Variants in KCNN3 observed in about 807,000 individuals in gnomAD.
The protein encoded by KCNN3 is potassium calcium-activated channel subfamily N member 3.
Under a neutral mutation model 62.9 loss-of-function variants are expected in KCNN3, and 16 were observed. The observed-to-expected ratio is 0.25, with a 90% confidence interval of 0.17 to 0.39. The LOEUF is 0.39. Ranked by LOEUF, KCNN3 falls within the 10% of genes least tolerant of loss-of-function variation. KCNN3 has a pLI of 1.00. For missense variants in KCNN3, 599 were observed against 949.4 expected, an observed-to-expected ratio of 0.63 and a Z score of 4.85; for synonymous variants, 370 against 389.2, an observed-to-expected ratio of 0.95 and a Z score of 0.58.
At chr1:154,806,224 T>G (rs1390038237) in intron 2 of KCNN3, among the ~76,000 whole-genome samples, 2 of 152,192 alleles carry the variant, frequency 1.3e-5, no homozygotes, top group African/African-American at 4.8e-5. Flanking sequence ...AGCAAGGACT[T>G]TGGAGAGTTC....
intron 2 of KCNN3, among the ~76,000 whole-genome samples, chr1:154,781,331 C>A (rs568272816): frequency 1.3e-5 from 2 of 152,332 alleles, no homozygotes; most frequent in Non-Finnish European, 2.9e-5. Flanking sequence ...CTCTGGCCAT[C>A]TGTGTGTGGC....
chr1:154,864,933 A>G (rs1237373061), intron 1 of KCNN3, among the ~76,000 whole-genome samples: 1 of 152,096 alleles, frequency 6.6e-6, no homozygotes, highest in African/African-American at 2.4e-5. Flanking sequence ...CTGCCACACC[A>G]GCACTCTCCA....
chr1:154,713,317 CTAGG>C, intron 7 of KCNN3, 143 bp downstream of exon 7: 1 of 686,002 alleles, frequency 1.5e-6, no homozygotes, highest in Non-Finnish European at 2.7e-6. Flanking sequence ...AAACTTGAGC[CTAGG>C]TATTTTTGAA....
At chr1:154,824,352 G>A (rs990427654) in intron 1 of KCNN3, among the ~76,000 whole-genome samples, 3 of 152,224 alleles carry the variant, frequency 2.0e-5, no homozygotes, top group East Asian at 1.9e-4. Context: ...GGCTGGTGCT[G>A]TTCTGGTCCA....
At position 154,841,624 on chromosome 1, in the gene KCNN3, C is replaced by T. The variant is rs561115558; in HGVS notation, c.934-19440G>A. On this transcript the variant is annotated intron_variant, in intron 1 of 7. Coordinates refer to ENST00000271915, the MANE Select transcript of KCNN3 (RefSeq NM_002249.6). ...ATAGAATTAGGCTTCTGGTTCATGC[C>T]TGTTATTCCATCACAGAGCCCCCCT... Among the ~76,000 whole-genome samples the T allele has an allele frequency of 9.3e-4, 142 of 152,284 alleles. No individual in the cohort carries two copies. The Middle Eastern group carries it at 0.01, about 11-fold the overall frequency.
intron 3 of KCNN3, among the ~76,000 whole-genome samples, chr1:154,760,979 G>A (rs967429758): frequency 3.3e-5 from 5 of 152,252 alleles, no homozygotes; most frequent in Admixed American, 6.5e-5. Flanking sequence ...AGAAAATTAT[G>A]TGTAAAAACT....
At position 154,809,829 on chromosome 1, in the gene KCNN3, G is replaced by A. The variant is rs754722849; in HGVS notation, c.1029+12260C>T. 2.0e-5 allele frequency among the ~76,000 whole-genome samples: 3 copies of A among 152,206 alleles called. No individual in the cohort carries two copies. Among genetic ancestry groups the A allele is most frequent in the Non-Finnish European group, 4.4e-5 (3 of 68,050 alleles). ...GCTTAGCAGCTCATGAGAAGACAGA[G>A]GGGTTTTAGTAAATATTCAATTCAA... On this transcript the variant is annotated intron_variant, in intron 2 of 7. Coordinates refer to ENST00000271915, the MANE Select transcript of KCNN3 (RefSeq NM_002249.6). This position sits in a 1 kb window ranked among gnomAD's most constrained non-coding sequence, Gnocchi z 4.3.
chr1:154,780,194 CTTTTTTTTTT>C (rs71077969), intron 2 of KCNN3, among the ~76,000 whole-genome samples: 44 of 102,054 alleles, frequency 4.3e-4, no homozygotes, highest in Non-Finnish European at 3.3e-4. Context: ...TTCTTTTTTT[CTTTTTTTTTT>C]TTTTTTTTTT....
intron 2 of KCNN3, among the ~76,000 whole-genome samples, chr1:154,815,621 C>T (rs1650631697): frequency 6.6e-6 from 1 of 152,212 alleles, no homozygotes; most frequent in African/African-American, 2.4e-5. Flanking sequence ...AGTAGTCCTA[C>T]AATAAATGTT....
chr1:154,733,171 C>A, intron 3 of KCNN3, 27 bp from the exon 4 acceptor site: 1 of 1,613,776 alleles, frequency 6.2e-7, no homozygotes, highest in Non-Finnish European at 8.5e-7. Flanking sequence ...AGGAGTTAGT[C>A]GATGAACAGC....
At chr1:154,868,553 G>A (rs1388017707) in intron 1 of KCNN3, among the ~76,000 whole-genome samples, 1 of 145,582 alleles carries the variant, frequency 6.9e-6, no homozygotes, top group Non-Finnish European at 1.5e-5. Flanking sequence ...GGAAAATGGA[G>A]TGGAGCAGGG....
chr1:154,768,801 C>T (rs1325454275), intron 3 of KCNN3, among the ~76,000 whole-genome samples: 1 of 152,000 alleles, frequency 6.6e-6, no homozygotes, highest in Non-Finnish European at 1.5e-5. Flanking sequence ...ATGAAGGCAG[C>T]CCAGGAGGCT....
rs1240792645 is a variant in KCNN3, at chr1:154,708,090, C to A, written c.2082G>T (p.Glu694Asp). 1 of 1,613,944 alleles carries A rather than the reference C, an allele frequency of 6.2e-7. No homozygotes were observed. Among genetic ancestry groups the A allele is most frequent in the Admixed American group, 1.7e-5 (1 of 60,022 alleles). ...QQQQLLSAII[E>D]ARGVSVAVGT... is the part of the protein sequence containing the mutation. ...CCACTGCCACGCTGACACCCCGGGC[C>A]TCGATGATGGCAGACAGGAGCTGCT... The change falls in exon 8 of 8, where the codon GAG (glutamate) becomes GAT (aspartate). Residue 694 changes from glutamate (E) to aspartate (D), a missense_variant. By Grantham distance (45) the Glu-to-Asp change is conservative. Transcript: ENST00000271915.
intron 2 of KCNN3, among the ~76,000 whole-genome samples, chr1:154,805,508 G>A (rs1650135191): frequency 6.6e-6 from 1 of 152,214 alleles, no homozygotes; most frequent in African/African-American, 2.4e-5. Flanking sequence ...AGTTTATGCA[G>A]TATTATTCAC....
intron 6 of KCNN3, among the ~76,000 whole-genome samples, chr1:154,714,182 G>T (rs1557937959): frequency 7.3e-4 from 9 of 12,326 alleles, no homozygotes; most frequent in Admixed American, 3.1e-3. Flanking sequence ...TGTGGTGTGT[G>T]GTGTGTGTGT....
chr1:154,804,920 C>T (rs1650105168), intron 2 of KCNN3, among the ~76,000 whole-genome samples: 1 of 152,124 alleles, frequency 6.6e-6, no homozygotes, highest in Admixed American at 6.5e-5. Context: ...GCCTTTCAAG[C>T]TGAACTGATG....
intron 6 of KCNN3, among the ~76,000 whole-genome samples, chr1:154,714,051 G>GT (rs1700136037): frequency 2.7e-5 from 2 of 73,944 alleles, no homozygotes; most frequent in African/African-American, 6.3e-5. Context: ...GTGTGTGCGG[G>GT]GTGTGTGTGT....
At chr1:154,830,552 C>T (rs894955627) in intron 1 of KCNN3, among the ~76,000 whole-genome samples, 17 of 152,180 alleles carry the variant, frequency 1.1e-4, no homozygotes, top group Non-Finnish European at 1.9e-4. Flanking sequence ...GGGCCCGGCA[C>T]GGGGAAACTA....
At chr1:154,748,730 A>T (rs530624056) in intron 3 of KCNN3, among the ~76,000 whole-genome samples, 76 of 152,304 alleles carry the variant, frequency 5.0e-4, no homozygotes, top group Admixed American at 1.7e-3. Context: ...GGAGGCTGAG[A>T]CAGAAGGATC....
Sources: allele counts gnomAD v4.1 joint callset (sites outside exome capture counted in the v4.1 genomes callset), GRCh38; gene constraint gnomAD v4.1.1; non-coding constraint Gnocchi (gnomAD v3.1); transcripts MANE v1.5; gene names NCBI Gene and HGNC (gene_info 2026-07-23, HGNC 2026-07-21).